RAB28: variants seen among roughly 807,000 people sequenced by gnomAD.
RAB28 encodes the protein RAB28, member RAS oncogene family.
In RAB28, 24 loss-of-function variants were observed where a neutral mutation model predicts 31.7. That is an observed-to-expected ratio of 0.76 (90% CI 0.55 to 1.06). The LOEUF (loss-of-function observed/expected upper bound fraction) is 1.06, where lower values mean the gene tolerates loss of function less well. Among genes scored for constraint, RAB28 ranks in the 50% least tolerant of loss-of-function variants. RAB28 has a pLI of 0.00. For missense variants in RAB28, 254 were observed against 258.5 expected (o/e 0.98, Z 0.12); for synonymous variants, 100 against 90.4 (o/e 1.11, Z -0.60).
chr4:13,376,638 G>T lies in RAB28; in HGVS notation c.496-16C>A. 1 of 1,555,506 alleles carries T rather than the reference G, an allele frequency of 6.4e-7. No individual in the cohort carries two copies. The highest frequency in any genetic ancestry group is 1.2e-5 in the South Asian group (1 of 81,426). ...ACAGGAAGACCTACATAACAAAAATGGGTTTAAATGATTTAAAAGAGGCAT... is the reference window on the plus strand; with the variant it reads ...ACAGGAAGACCTACATAACAAAAATTGGTTTAAATGATTTAAAAGAGGCAT... On this transcript the variant is annotated splice_polypyrimidine_tract_variant and intron_variant, in intron 5 of 6. Coordinates refer to ENST00000330852, the MANE Select transcript of RAB28 (RefSeq NM_001017979.3).
Position 13,479,539 on chromosome 4 carries a change from T to C in RAB28, c.76-13A>G. The C allele has an allele frequency of 6.7e-7, 1 of 1,494,918 alleles. No homozygotes were observed. The highest frequency in any genetic ancestry group is 1.2e-5 in the South Asian group (1 of 86,626). 92.6% of individuals were successfully genotyped at this position (1,494,918 alleles called of 1,614,324 possible). On this transcript the variant is annotated splice_polypyrimidine_tract_variant and intron_variant, in intron 1 of 6. Coordinates refer to ENST00000330852, the MANE Select transcript of RAB28 (RefSeq NM_001017979.3). ...TAGTTAAGGAGGTCTAAAAAATTGA[T>C]GCACAGAATGTCAAAATTAATTCAT...
intron 4 of RAB28, among the ~76,000 whole-genome samples, chr4:13,426,416 GATGCTTTCAAAAGACC>G (rs924126846): frequency 6.6e-6 from 1 of 152,088 alleles, no homozygotes; most frequent in African/African-American, 2.4e-5. Context: ...AAAAAAAATA[GATGCTTTCAAAAGACC>G]TCAAAGCATG....
intron 4 of RAB28, among the ~76,000 whole-genome samples, chr4:13,403,351 G>A (rs1711887924): frequency 6.6e-6 from 1 of 152,170 alleles, no homozygotes; most frequent in African/African-American, 2.4e-5. Flanking sequence ...ATAGTTTGCT[G>A]ACTTGTGTCT....
Position 13,460,744 on chromosome 4 carries a change from C to T in RAB28, c.346G>A (p.Glu116Lys), listed in dbSNP as rs150040053. 9.3e-6 allele frequency: 15 copies of T among 1,614,048 alleles called. No individual in the cohort carries two copies. The Admixed American group carries it at 1.2e-4, about 13-fold the overall frequency. ...DWYTVVKKVS[E>K]ESETQPLVAL... is the part of the protein sequence containing the mutation. Reference sequence around the variant, plus strand: ...ACCAGTGGCTGAGTTTCTGACTCCTCGCTCACTTTCTTCACCACAGTATAC... The same window carrying T: ...ACCAGTGGCTGAGTTTCTGACTCCTTGCTCACTTTCTTCACCACAGTATAC... Residue 116 changes from glutamate (E) to lysine (K), a missense_variant, in exon 4 of 7, where the codon GAG (glutamate) becomes AAG (lysine). Coordinates refer to ENST00000330852, the MANE Select transcript of RAB28 (RefSeq NM_001017979.3).
intron 4 of RAB28, among the ~76,000 whole-genome samples, chr4:13,407,238 T>C (rs1712152397): frequency 6.6e-6 from 1 of 152,230 alleles, no homozygotes; most frequent in South Asian, 2.1e-4. Context: ...TAGCCAGTTT[T>C]CCCAACACCA....
intron 6 of RAB28, among the ~76,000 whole-genome samples, chr4:13,372,068 G>C (rs1385080215): frequency 6.6e-6 from 1 of 152,026 alleles, no homozygotes; most frequent in African/African-American, 2.4e-5. Flanking sequence ...CCAGGATATG[G>C]AGTAAACATA....
At chr4:13,441,814 T>C (rs183544861) in intron 4 of RAB28, among the ~76,000 whole-genome samples, 4 of 152,354 alleles carry the variant, frequency 2.6e-5, no homozygotes, top group Admixed American at 1.3e-4. Flanking sequence ...GCTGGAGCAG[T>C]GCAACCACAT....
chr4:13,482,752 G>C (rs1460502498), intron 1 of RAB28, among the ~76,000 whole-genome samples: 1 of 152,100 alleles, frequency 6.6e-6, no homozygotes, highest in African/African-American at 2.4e-5. Context: ...TTAAAAATCT[G>C]TAACAAAGGA....
chr4:13,437,842 A>G (rs577912591), intron 4 of RAB28, among the ~76,000 whole-genome samples: 1 of 152,064 alleles, frequency 6.6e-6, no homozygotes, highest in African/African-American at 2.4e-5. Context: ...CAATCCCACT[A>G]CTGACTATCT....
At chr4:13,370,179 A>T in intron 6 of RAB28, 1 of 980,676 alleles carries the variant, frequency 1.0e-6, no homozygotes, top group Non-Finnish European at 1.2e-6. Flanking sequence ...AGGAACAAAG[A>T]CCCAAGAAAC....
chr4:13,370,265 T>G lies in RAB28; in HGVS notation c.574-1615A>C, dbSNP rs145206830. On this transcript the variant is annotated intron_variant, in intron 6 of 6. Transcript: ENST00000330852. The stretch of plus-strand genomic sequence containing the variant: ...CTTCCCAAATTGTAAGTTCCATTTT[T>G]GATAACACAATTATATATAACATAT... The G allele has an allele frequency of 8.3e-4, 804 of 963,048 alleles. 12 individuals are homozygous for G. The East Asian group carries it at 0.028, about 34-fold the overall frequency. 59.7% of individuals were successfully genotyped at this position (963,048 alleles called of 1,614,324 possible).
At chr4:13,377,267 T>C (rs919140704) in intron 5 of RAB28, among the ~76,000 whole-genome samples, 3 of 152,228 alleles carry the variant, frequency 2.0e-5, no homozygotes, top group Non-Finnish European at 2.9e-5. Flanking sequence ...AGGTCTGCTG[T>C]AATTACTAGA....
At chr4:13,421,520 A>C (rs969484096) in intron 4 of RAB28, among the ~76,000 whole-genome samples, 1 of 152,238 alleles carries the variant, frequency 6.6e-6, no homozygotes, top group Non-Finnish European at 1.5e-5. Flanking sequence ...ACAAGGCTAC[A>C]GTAACCAAAA....
At chr4:13,404,789 C>T (rs764580591) in intron 4 of RAB28, among the ~76,000 whole-genome samples, 1 of 152,056 alleles carries the variant, frequency 6.6e-6, no homozygotes, top group Non-Finnish European at 1.5e-5. Context: ...CATTTTTAAA[C>T]CAAAGAATAC....
intron 4 of RAB28, among the ~76,000 whole-genome samples, chr4:13,425,692 C>T (rs1024046742): frequency 2.6e-5 from 4 of 152,256 alleles, no homozygotes; most frequent in African/African-American, 7.2e-5. Context: ...TGGCAAAGTT[C>T]TTGGCTTTTC....
Position 13,443,085 on chromosome 4 carries a change from T to C in RAB28, c.391+17614A>G, listed in dbSNP as rs185710554. Among the ~76,000 whole-genome samples, 586 of 152,340 alleles carry C rather than the reference T, an allele frequency of 3.8e-3. 6 individuals are homozygous for C. The highest frequency in any genetic ancestry group is 5.2e-3 in the Non-Finnish European group (357 of 68,030). ...TAAGAGATTAGCTAGAGCTAATAATTTAATTTTCAAAACAATTGTTGAGCT... is the reference window on the plus strand; with the variant it reads ...TAAGAGATTAGCTAGAGCTAATAATCTAATTTTCAAAACAATTGTTGAGCT... On this transcript the variant is annotated intron_variant, in intron 4 of 6. Transcript: ENST00000330852.
At chr4:13,399,659 G>GA (rs1378828757) in intron 4 of RAB28, among the ~76,000 whole-genome samples, 4 of 152,038 alleles carry the variant, frequency 2.6e-5, no homozygotes, top group Non-Finnish European at 5.9e-5. Context: ...ATCTTATTTT[G>GA]CATTCCTTGA....
intron 4 of RAB28, among the ~76,000 whole-genome samples, chr4:13,445,278 T>C (rs778709859): frequency 3.9e-5 from 6 of 152,028 alleles, no homozygotes; most frequent in Non-Finnish European, 8.8e-5. Flanking sequence ...GCAGCTCCTG[T>C]AACCTTTCAT....
chr4:13,471,913 C>T (rs1298942369), intron 3 of RAB28, among the ~76,000 whole-genome samples: 1 of 152,042 alleles, frequency 6.6e-6, no homozygotes, highest in African/African-American at 2.4e-5. Flanking sequence ...CTATAACATT[C>T]ACTTTCTCCC....
Sources: gnomAD v4.1 joint callset for allele counts (sites outside exome capture counted in the v4.1 genomes callset) on GRCh38, gnomAD v4.1.1 for gene constraint, MANE v1.5 for transcripts, NCBI Gene and HGNC (gene_info 2026-07-23, HGNC 2026-07-21) for gene names.